Variants in GRM8 observed in about 807,000 individuals in gnomAD.
The protein encoded by GRM8 is metabotropic glutamate receptor 8.
GRM8 carries 47 observed loss-of-function variants against 87.2 expected under a neutral mutation model. That is an observed-to-expected ratio of 0.54 (90% confidence interval 0.43 to 0.69). The LOEUF (loss-of-function observed/expected upper bound fraction) is 0.69, where lower values mean the gene tolerates loss of function less well. GRM8 is among the 30% of genes least tolerant of loss of function. The pLI is 0.00. For missense variants in GRM8, 1,019 were observed against 1,139.2 expected, an observed-to-expected ratio of 0.89 and a Z score of 1.52; for synonymous variants, 396 against 404.5, an observed-to-expected ratio of 0.98 and a Z score of 0.25.
At chr7:126,656,810 T>TTAA (rs1275090986) in intron 7 of GRM8, among the ~76,000 whole-genome samples, 6 of 152,104 alleles carry the variant, frequency 3.9e-5, no homozygotes, top group East Asian at 1.9e-4. Context: ...GTGTTTATCA[T>TTAA]TAATAATAAT....
At chr7:126,761,225 A>G (rs1000806825) in intron 7 of GRM8, among the ~76,000 whole-genome samples, 2 of 145,470 alleles carry the variant, frequency 1.4e-5, no homozygotes, top group Middle Eastern at 3.5e-3. Context: ...AAAAAAGTAG[A>G]TGAAATAGAA....
chr7:127,197,868 C>A (rs539230022), intron 2 of GRM8, among the ~76,000 whole-genome samples: 26 of 152,276 alleles, frequency 1.7e-4, no homozygotes, highest in Non-Finnish European at 3.4e-4. Flanking sequence ...TATAAACTTA[C>A]CTCCTCTGGG....
At chr7:126,482,509 A>G (rs1193647638) in intron 9 of GRM8, among the ~76,000 whole-genome samples, 1 of 152,070 alleles carries the variant, frequency 6.6e-6, no homozygotes, top group Non-Finnish European at 1.5e-5. Flanking sequence ...ACATGAATGA[A>G]TCTGGAAGAC....
chr7:126,780,920 T>C (rs1278823742), intron 6 of GRM8, among the ~76,000 whole-genome samples: 1 of 152,162 alleles, frequency 6.6e-6, no homozygotes, highest in Admixed American at 6.5e-5. Context: ...GGTGATTTTA[T>C]AGTTCAGAAA....
In GRM8 at chr7:126,884,171, AC is replaced by A. The variant is rs1800273168; in HGVS notation, c.1156+18370del. Among the ~76,000 whole-genome samples, 3 of 152,152 alleles carry A rather than the reference AC, an allele frequency of 2.0e-5. No homozygotes were observed. In the South Asian group the frequency reaches 6.2e-4, roughly 31 times the overall value. On this transcript the variant is annotated intron_variant, in intron 6 of 10. Coordinates refer to ENST00000339582, the MANE Select transcript of GRM8 (RefSeq NM_000845.3). Reference sequence around the variant, plus strand: ...CATTTGCTGATGCCATAAATTAAAAACAAAACAAAAAACTATATTCAAAGTA... The same window carrying A: ...CATTTGCTGATGCCATAAATTAAAAAAAAACAAAAAACTATATTCAAAGTA...
At chr7:126,950,272 G>A (rs560636858) in intron 3 of GRM8, among the ~76,000 whole-genome samples, 40 of 152,238 alleles carry the variant, frequency 2.6e-4, no homozygotes, top group Non-Finnish European at 4.7e-4. Flanking sequence ...TTTCTGGTAA[G>A]AAGAATAGTA....
chr7:127,193,479 G>C (rs915597755), intron 2 of GRM8, among the ~76,000 whole-genome samples: 1 of 152,176 alleles, frequency 6.6e-6, no homozygotes, highest in Non-Finnish European at 1.5e-5. Flanking sequence ...CCCCTAGCAG[G>C]TAGGTCAACT....
At chr7:126,856,178 A>G (rs1797667015) in intron 6 of GRM8, among the ~76,000 whole-genome samples, 1 of 152,086 alleles carries the variant, frequency 6.6e-6, no homozygotes, top group Non-Finnish European at 1.5e-5. Context: ...TATATGCAAA[A>G]TGTTACAACT....
At chr7:126,511,739 G>C (rs1811405838) in intron 9 of GRM8, 1 of 152,126 alleles carries the variant, frequency 6.6e-6, no homozygotes, top group African/African-American at 2.4e-5. Flanking sequence ...GTTACTGCTG[G>C]AAATAATTCT....
intron 3 of GRM8, among the ~76,000 whole-genome samples, chr7:126,911,505 A>G (rs1430136433): frequency 6.6e-6 from 1 of 152,256 alleles, no homozygotes; most frequent in Non-Finnish European, 1.5e-5. Context: ...TGTTATGGAA[A>G]CAACCACATG....
intron 6 of GRM8, among the ~76,000 whole-genome samples, chr7:126,888,920 C>A (rs1162069029): frequency 6.6e-6 from 1 of 151,974 alleles, no homozygotes; most frequent in Non-Finnish European, 1.5e-5. Flanking sequence ...AGCAAACAAG[C>A]CTGCAGCTAA....
intron 7 of GRM8, among the ~76,000 whole-genome samples, chr7:126,747,002 T>G (rs546627973): frequency 1.3e-5 from 2 of 152,024 alleles, no homozygotes; most frequent in Admixed American, 1.3e-4. Context: ...TATATTTAAA[T>G]GTATGTATCT....
chr7:126,968,763 C>T (rs992169), intron 3 of GRM8, among the ~76,000 whole-genome samples: 59,872 of 151,910 alleles, frequency 0.39, 12,007 homozygotes, highest in East Asian at 0.66. Context: ...TACTAATTTG[C>T]ATTGGTCTTA....
chr7:127,203,542 C>T (rs1271307282), intron 2 of GRM8, among the ~76,000 whole-genome samples: 1 of 151,814 alleles, frequency 6.6e-6, no homozygotes, highest in Non-Finnish European at 1.5e-5. Flanking sequence ...ACCCTGTCTA[C>T]ACTAAAAATA....
At chr7:126,832,051 A>G (rs1460102302) in intron 6 of GRM8, among the ~76,000 whole-genome samples, 2 of 152,084 alleles carry the variant, frequency 1.3e-5, no homozygotes, top group Non-Finnish European at 2.9e-5. Context: ...TGTATCTTCA[A>G]GTATTTATTG....
At chr7:127,123,846 C>T (rs1167498319) in intron 2 of GRM8, among the ~76,000 whole-genome samples, 2 of 152,016 alleles carry the variant, frequency 1.3e-5, no homozygotes, top group African/African-American at 4.8e-5. Flanking sequence ...CTTAATTTCA[C>T]ATCATCACAT....
intron 7 of GRM8, among the ~76,000 whole-genome samples, chr7:126,641,153 G>C (rs568828390): frequency 6.6e-6 from 1 of 152,090 alleles, no homozygotes; most frequent in Non-Finnish European, 1.5e-5. Context: ...AGCTCTGTTA[G>C]CAATGGGAAT....
chr7:126,508,110 C>A (rs905998285), intron 9 of GRM8, among the ~76,000 whole-genome samples: 1 of 151,968 alleles, frequency 6.6e-6, no homozygotes, highest in South Asian at 2.1e-4. Context: ...GTAATCTACA[C>A]CTCCAACTTC....
At chr7:126,880,382 G>A (rs1485402776) in intron 6 of GRM8, among the ~76,000 whole-genome samples, 11 of 152,216 alleles carry the variant, frequency 7.2e-5, no homozygotes, top group Non-Finnish European at 7.3e-5. Flanking sequence ...ATTTCAAGCT[G>A]AGGAGTCTGA....
Sources: gnomAD v4.1 joint callset for allele counts (sites outside exome capture counted in the v4.1 genomes callset) on GRCh38, gnomAD v4.1.1 for gene constraint, MANE v1.5 for transcripts, NCBI Gene and HGNC (gene_info 2026-07-23, HGNC 2026-07-21) for gene names.